TAF5L: variants seen among roughly 807,000 people sequenced by gnomAD.
TAF5L encodes the protein TATA-box binding protein associated factor 5 like, also known as TAF5-like RNA polymerase II p300/CBP-associated factor-associated factor 65 kDa subunit 5L.
Under a neutral mutation model 51.3 loss-of-function variants are expected in TAF5L, and 7 were observed. That is an observed-to-expected ratio of 0.14 (90% CI 0.08 to 0.26). The LOEUF (loss-of-function observed/expected upper bound fraction) is 0.26, where lower values mean the gene tolerates loss of function less well. Among genes scored for constraint, TAF5L ranks in the 10% least tolerant of loss-of-function variants. TAF5L has a pLI of 1.00. For synonymous variants in TAF5L, 291 were observed against 308.1 expected (o/e 0.94, Z 0.58); for missense variants, 575 against 758.9 (o/e 0.76, Z 2.85).
At chr1:229,615,847 C>T (rs189152969) in intron 1 of TAF5L, among the ~76,000 whole-genome samples, 13 of 152,272 alleles carry the variant, frequency 8.5e-5, no homozygotes, top group Admixed American at 3.3e-4. Context: ...ATTTCATGTA[C>T]GCATACACAC....
rs560196424 is a variant in TAF5L at position 229,620,709 on chromosome 1, T to C, written c.-4+5176A>G. ...ACAGCACAGAAAAACTGCTTTTCTA[T>C]ACAAAATCTTATTAACATGGAAGAG... is the stretch of plus-strand genomic sequence containing the variant. On this transcript the variant is annotated intron_variant, in intron 1 of 4. Transcript: ENST00000258281. Among the ~76,000 whole-genome samples, 9 of 152,346 alleles carry C rather than the reference T, an allele frequency of 5.9e-5. No homozygotes were observed. In the South Asian group the frequency reaches 1.7e-3, roughly 28 times the overall value.
intron 1 of TAF5L, among the ~76,000 whole-genome samples, chr1:229,621,517 A>G (rs1385139075): frequency 6.6e-6 from 1 of 152,198 alleles, no homozygotes; most frequent in Non-Finnish European, 1.5e-5. Context: ...ACACTCTTCA[A>G]ATCTTCTGTA....
At chr1:229,609,509 T>G (rs1664713960) in intron 3 of TAF5L, among the ~76,000 whole-genome samples, 1 of 152,034 alleles carries the variant, frequency 6.6e-6, no homozygotes, top group Non-Finnish European at 1.5e-5. Flanking sequence ...AATGTTTTTC[T>G]TCCTAATGTT....
chr1:229,609,972 G>A (rs1465156798), intron 3 of TAF5L, 134 bp downstream of exon 3: 1 of 675,386 alleles, frequency 1.5e-6, no homozygotes, highest in Non-Finnish European at 2.5e-6. Context: ...AGGGAAATCT[G>A]CATTACTCTA....
chr1:229,594,362 C>T lies in TAF5L; in HGVS notation c.1705G>A (p.Val569Met), dbSNP rs138203586. 1,223 of 1,614,070 alleles carry T rather than the reference C, an allele frequency of 7.6e-4. 7 individuals carry two copies. The highest frequency in any genetic ancestry group is 1.7e-4 in the Non-Finnish European group (195 of 1,180,012). The stretch of plus-strand genomic sequence containing the variant: ...AGAAGGTTACAGGCCATGAACTGCA[C>T]GCTCAGGACGTTGCTCATCTGCCCG... Residue 569 changes from valine (V) to methionine (M), a missense_variant, in exon 5 of 5, where the codon GTG (valine) becomes ATG (methionine). Coordinates refer to ENST00000258281, the Ensembl canonical transcript of TAF5L. This position sits in a 1 kb window ranked among gnomAD's most constrained non-coding sequence, Gnocchi z 7.9.
intron 2 of TAF5L, among the ~76,000 whole-genome samples, chr1:229,613,256 G>C (rs1159803433): frequency 6.6e-6 from 1 of 151,262 alleles, no homozygotes; most frequent in Non-Finnish European, 1.5e-5. Flanking sequence ...CTTGAGCCTG[G>C]GAAGTTGAGG....
chr1:229,619,689 C>T (rs775133809), intron 1 of TAF5L, among the ~76,000 whole-genome samples: 5 of 152,190 alleles, frequency 3.3e-5, no homozygotes, highest in Non-Finnish European at 5.9e-5. Context: ...CAGTGGGCTA[C>T]TGAGACTTGG....
chr1:229,605,901 A>G (rs1213333406), intron 3 of TAF5L, among the ~76,000 whole-genome samples: 1 of 152,218 alleles, frequency 6.6e-6, no homozygotes, highest in Admixed American at 6.5e-5. Context: ...AAACCTCTAC[A>G]TATCCATCCT....
Position 229,594,864 on chromosome 1 carries a change from G to A in TAF5L, c.1203C>T (p.Ser401=), listed in dbSNP as rs752518762. Residue 401 remains serine (S), a synonymous_variant, in exon 5 of 5, where the codon AGC becomes AGT. Coordinates refer to ENST00000258281, the Ensembl canonical transcript of TAF5L. This position sits in a 1 kb window ranked among gnomAD's most constrained non-coding sequence, Gnocchi z 7.9. ...GCCTGGCGGTGCGGTCGTGGGACCC[G>A]CTGGCGAAGTACAGGCTATATGGAC... 6.8e-6 allele frequency: 11 copies of A among 1,614,198 alleles called. No homozygotes were observed. Among genetic ancestry groups the A allele is most frequent in the Admixed American group, 1.7e-5 (1 of 60,024 alleles).
chr1:229,606,835 C>T lies in TAF5L; in HGVS notation c.247+3271G>A, dbSNP rs568624163. The T allele has an allele frequency of 1.5e-5, 15 of 985,414 alleles. No homozygotes were observed. The East Asian group carries it at 5.7e-4, about 37-fold the overall frequency. 61.0% of individuals were successfully genotyped at this position (985,414 alleles called of 1,614,324 possible). Reference sequence around the variant, plus strand: ...TACACCTCCTGAAGAATAGGACCTACGGCAATAGGTGAGCTCACAGAATCT... The same window carrying T: ...TACACCTCCTGAAGAATAGGACCTATGGCAATAGGTGAGCTCACAGAATCT... On this transcript the variant is annotated intron_variant, in intron 3 of 4. Coordinates refer to ENST00000258281, the Ensembl canonical transcript of TAF5L.
intron 1 of TAF5L, among the ~76,000 whole-genome samples, chr1:229,615,004 A>G (rs971861866): frequency 1.3e-5 from 2 of 152,206 alleles, no homozygotes; most frequent in Non-Finnish European, 2.9e-5. Context: ...GGATTGTGAT[A>G]TTTTTGCTTA....
chr1:229,602,620 T>C lies in TAF5L; in HGVS notation c.547A>G (p.Asn183Asp). The C allele has an allele frequency of 3.7e-6, 6 of 1,614,198 alleles. No individual in the cohort carries two copies. The highest frequency in any genetic ancestry group is 1.6e-4 in the Middle Eastern group (1 of 6,062). Residue 183 changes from asparagine to aspartate, a missense_variant, in exon 4 of 5, where the codon AAC becomes GAC. Physicochemically the swap from Asn to Asp is conservative, Grantham distance 23. Around this residue, in one of 3 missense-constraint regions of TAF5L, gnomAD observed 380 missense variants for 443.7 expected, o/e 0.86. Coordinates refer to ENST00000258281, the Ensembl canonical transcript of TAF5L. This position sits in a 1 kb window ranked among gnomAD's most constrained non-coding sequence, Gnocchi z 4.6. ...AGGACTTTGCACAGGGCAGTATTGT[T>C]GTCACTTTGGAGGTAGCGGATAAGG...
rs1553271735 is a variant in TAF5L at position 229,616,375 on chromosome 1, T to TTTATTATTA, written c.-3-1891_-3-1890insTAATAATAA. Among the ~76,000 whole-genome samples, 68 of 148,306 alleles carry TTTATTATTA rather than the reference T, an allele frequency of 4.6e-4. No homozygotes were observed. The East Asian group carries it at 5.9e-3, about 13-fold the overall frequency. On this transcript the variant is annotated intron_variant, in intron 1 of 4. Transcript: ENST00000258281. ...CCGGAAGTCTATTTATTTATTTATA[T>TTTATTATTA]TTTTTTTTTTAGTAGAGAAGGGGTT...
In TAF5L at chr1:229,602,366, T is replaced by C. The variant is rs1664409471; in HGVS notation, c.801A>G (p.Thr267=). 1 of 1,614,196 alleles carries C rather than the reference T, an allele frequency of 6.2e-7. No homozygotes were observed. Among genetic ancestry groups the C allele is most frequent in the Admixed American group, 1.7e-5 (1 of 60,030 alleles). ...TTTCTGCAGTGTTCAACAGCTGCTCTGTGTTATAGAAGGCATAGAAGCAGA... is the reference window on the plus strand; with the variant it reads ...TTTCTGCAGTGTTCAACAGCTGCTCCGTGTTATAGAAGGCATAGAAGCAGA... Residue 267 remains threonine, a synonymous_variant, in exon 4 of 5, where the codon ACA becomes ACG. Coordinates refer to ENST00000258281, the Ensembl canonical transcript of TAF5L. The surrounding 1 kb of genome is among the most constrained non-coding windows in gnomAD (Gnocchi z 4.6).
intron 2 of TAF5L, among the ~76,000 whole-genome samples, chr1:229,610,466 G>A (rs1039757665): frequency 6.6e-6 from 1 of 152,246 alleles, no homozygotes; most frequent in East Asian, 1.9e-4. Context: ...AGGTGAATGA[G>A]AGAGGACAGG....
At chr1:229,621,775 A>C (rs1285929966) in intron 1 of TAF5L, among the ~76,000 whole-genome samples, 1 of 152,246 alleles carries the variant, frequency 6.6e-6, no homozygotes, top group Non-Finnish European at 1.5e-5. Context: ...AAAATATATA[A>C]GGCAATATAT....
At chr1:229,623,064 G>T (rs1276885889) in intron 1 of TAF5L, among the ~76,000 whole-genome samples, 1 of 152,176 alleles carries the variant, frequency 6.6e-6, no homozygotes, top group Non-Finnish European at 1.5e-5. Flanking sequence ...ATCACCCGAG[G>T]TCAGGAGTTC....
chr1:229,598,690 C>CTT (rs71563413), intron 4 of TAF5L, among the ~76,000 whole-genome samples: 9 of 141,424 alleles, frequency 6.4e-5, no homozygotes, highest in Non-Finnish European at 9.2e-5. Context: ...TTGGATATCT[C>CTT]TTTTTTTTTT....
rs561908813 is a variant in TAF5L at position 229,617,993 on chromosome 1, C to T, written c.-3-3508G>A. Reference sequence around the variant, plus strand: ...ACGCTAAACTCAAATACTAGAGACACGACCCAATCAACTCAGCTGGGTTTT... The same window carrying T: ...ACGCTAAACTCAAATACTAGAGACATGACCCAATCAACTCAGCTGGGTTTT... On this transcript the variant is annotated intron_variant, in intron 1 of 4. Coordinates refer to ENST00000258281, the Ensembl canonical transcript of TAF5L. Among the ~76,000 whole-genome samples, 7 of 152,236 alleles carry T rather than the reference C, an allele frequency of 4.6e-5. No homozygotes were observed. In the South Asian group the frequency reaches 6.2e-4, roughly 14 times the overall value.
Sources: allele counts gnomAD v4.1 joint callset (sites outside exome capture counted in the v4.1 genomes callset), GRCh38; gene constraint gnomAD v4.1.1; regional missense constraint gnomAD v4.1.1; non-coding constraint Gnocchi (gnomAD v3.1); transcripts MANE v1.5; gene names NCBI Gene and HGNC (gene_info 2026-07-23, HGNC 2026-07-21).